Variants in ODAD2 observed in about 807,000 individuals in gnomAD.
ODAD2 encodes the protein outer dynein arm docking complex subunit 2, also known as outer dynein arm-docking complex subunit 2.
A neutral mutation model predicts 106.8 loss-of-function variants in ODAD2; 89 were observed. The ratio of observed to expected loss-of-function variants is 0.83; its 90% CI spans 0.70 to 0.99. The LOEUF (loss-of-function observed/expected upper bound fraction) is 0.99, where lower values mean the gene tolerates loss of function less well. Among genes scored for constraint, ODAD2 ranks in the 50% least tolerant of loss-of-function variants. The pLI is 0.00. For missense variants in ODAD2, 1,168 were observed against 1,238.5 expected, an observed-to-expected ratio of 0.94 and a Z score of 0.85; for synonymous variants, 404 against 436.2, an observed-to-expected ratio of 0.93 and a Z score of 0.92.
intron 10 of ODAD2, among the ~76,000 whole-genome samples, chr10:27,954,220 T>C (rs1847560141): frequency 1.3e-5 from 2 of 152,166 alleles, no homozygotes; most frequent in African/African-American, 4.8e-5. Context: ...TAGCACATTA[T>C]CGAAACTGGG....
At chr10:27,894,352 T>A (rs1842735466) in intron 17 of ODAD2, among the ~76,000 whole-genome samples, 1 of 152,074 alleles carries the variant, frequency 6.6e-6, no homozygotes, top group African/African-American at 2.4e-5. Flanking sequence ...TCCACGGATA[T>A]ACATTTACAT....
At position 27,982,677 on chromosome 10, in the gene ODAD2, C is replaced by A. The variant is rs1455869235; in HGVS notation, c.820-1095G>T. On this transcript the variant is annotated intron_variant, in intron 6 of 19. Coordinates refer to ENST00000305242, the MANE Select transcript of ODAD2 (RefSeq NM_018076.5). ...CCAACCCAAGCCAACATGTAACAAC[C>A]CTCCAGGCAGTCCCCCGTGATGGCT... 3.9e-5 allele frequency among the ~76,000 whole-genome samples: 6 copies of A among 152,216 alleles called. No homozygotes were observed. In the East Asian group the frequency reaches 1.2e-3, roughly 29 times the overall value.
chr10:27,997,843 A>G (rs1236597134), intron 1 of ODAD2, among the ~76,000 whole-genome samples: 1 of 152,226 alleles, frequency 6.6e-6, no homozygotes, highest in Non-Finnish European at 1.5e-5. Flanking sequence ...CTTAAGAACC[A>G]TAGTTAAAAT....
At chr10:27,986,412 C>G (rs1849876892) in intron 3 of ODAD2, among the ~76,000 whole-genome samples, 1 of 152,250 alleles carries the variant, frequency 6.6e-6, no homozygotes, top group Admixed American at 6.5e-5. Context: ...ATATAGAAAT[C>G]TACATATTAT....
intron 7 of ODAD2, among the ~76,000 whole-genome samples, chr10:27,978,612 G>A (rs1305746656): frequency 1.3e-5 from 2 of 151,798 alleles, no homozygotes; most frequent in African/African-American, 2.4e-5. Context: ...GGCCAACATG[G>A]GAAAACCCCA....
At chr10:27,909,153 T>C (rs1037512144) in intron 16 of ODAD2, among the ~76,000 whole-genome samples, 1 of 152,176 alleles carries the variant, frequency 6.6e-6, no homozygotes, top group Non-Finnish European at 1.5e-5. Context: ...CCTCTATTTT[T>C]TTCACATAAA....
intron 10 of ODAD2, among the ~76,000 whole-genome samples, chr10:27,958,015 T>C (rs925247918): frequency 6.6e-6 from 1 of 152,230 alleles, no homozygotes; most frequent in African/African-American, 2.4e-5. Flanking sequence ...CAATTTTGCA[T>C]TTCACAGACT....
chr10:27,822,854 CTCTT>C (rs1836719912), intron 19 of ODAD2, among the ~76,000 whole-genome samples: 1 of 152,162 alleles, frequency 6.6e-6, no homozygotes, highest in South Asian at 2.1e-4. Context: ...GGATCCAGTG[CTCTT>C]TCTGTGTGGA....
At chr10:27,843,682 T>C (rs6481486) in intron 19 of ODAD2, among the ~76,000 whole-genome samples, 97,333 of 151,684 alleles carry the variant, frequency 0.64, 31,465 homozygotes, top group Middle Eastern at 0.72. Flanking sequence ...GCAGAAGAAT[T>C]GCTTGAACCT....
intron 1 of ODAD2, among the ~76,000 whole-genome samples, chr10:27,997,681 G>A (rs1384875396): frequency 6.6e-6 from 1 of 152,136 alleles, no homozygotes; most frequent in East Asian, 1.9e-4. Context: ...CCTCAGGGTG[G>A]CCTATGACAA....
intron 17 of ODAD2, among the ~76,000 whole-genome samples, chr10:27,896,925 C>G (rs1433189466): frequency 6.6e-6 from 1 of 151,798 alleles, no homozygotes. Flanking sequence ...TCCTCTATTT[C>G]CTCCCCTCAA....
intron 10 of ODAD2, among the ~76,000 whole-genome samples, chr10:27,948,055 G>A (rs765190139): frequency 6.6e-5 from 10 of 151,876 alleles, no homozygotes; most frequent in South Asian, 2.1e-4. Flanking sequence ...AATTCATAAC[G>A]GCCATTTAAT....
intron 19 of ODAD2, among the ~76,000 whole-genome samples, chr10:27,847,249 G>A (rs994952292): frequency 9.2e-5 from 14 of 152,252 alleles, no homozygotes; most frequent in Middle Eastern, 3.4e-3. Flanking sequence ...TTCATCACTG[G>A]GATGCAAGGC....
At chr10:27,813,032 ATTATATCAGTCACTTAAT>A (rs1326516987) in intron 19 of ODAD2, among the ~76,000 whole-genome samples, 2 of 152,220 alleles carry the variant, frequency 1.3e-5, no homozygotes, top group Non-Finnish European at 2.9e-5. Flanking sequence ...TCACAACCTC[ATTATATCAGTCACTTAAT>A]AGGGACTCTC....
At chr10:27,955,001 A>G (rs984466881) in intron 10 of ODAD2, among the ~76,000 whole-genome samples, 2 of 152,190 alleles carry the variant, frequency 1.3e-5, no homozygotes, top group Admixed American at 1.3e-4. Flanking sequence ...AAGCAATTAA[A>G]AAAAAGTCAC....
At chr10:27,892,492 T>C (rs10826358) in intron 17 of ODAD2, among the ~76,000 whole-genome samples, 103,510 of 152,028 alleles carry the variant, frequency 0.68, 35,451 homozygotes, top group Middle Eastern at 0.75. Context: ...TATCAGATAA[T>C]GAATGGACCG....
chr10:27,978,336 T>C (rs909321472), intron 7 of ODAD2, among the ~76,000 whole-genome samples: 3 of 152,164 alleles, frequency 2.0e-5, no homozygotes, highest in African/African-American at 4.8e-5. Context: ...TGTGGAAACA[T>C]AAGCCTTTGA....
intron 17 of ODAD2, among the ~76,000 whole-genome samples, chr10:27,880,326 G>A (rs923773674): frequency 6.6e-6 from 1 of 152,110 alleles, no homozygotes; most frequent in African/African-American, 2.4e-5. Context: ...TGAGCTATCT[G>A]GATGTCTTCT....
chr10:27,940,562 C>T lies in ODAD2; in HGVS notation c.1986+1G>A. ...AAGGGAAGCAGAACTGGCATGAGTACCTCTGATGCACACTCTTGCAATGTC... is the reference window on the plus strand; with the variant it reads ...AAGGGAAGCAGAACTGGCATGAGTATCTCTGATGCACACTCTTGCAATGTC... On this transcript the variant is annotated splice_donor_variant, in intron 13 of 19. Coordinates refer to ENST00000305242, the MANE Select transcript of ODAD2 (RefSeq NM_018076.5). LOFTEE classifies it high-confidence loss of function. 1 of 1,613,864 alleles carries T rather than the reference C, an allele frequency of 6.2e-7. No individual in the cohort carries two copies. Among genetic ancestry groups the T allele is most frequent in the Non-Finnish European group, 8.5e-7 (1 of 1,179,848 alleles).
Sources: allele counts gnomAD v4.1 joint callset (sites outside exome capture counted in the v4.1 genomes callset), GRCh38; gene constraint gnomAD v4.1.1; transcripts MANE v1.5; gene names NCBI Gene and HGNC (gene_info 2026-07-23, HGNC 2026-07-21).